Variants in CUX1 observed in about 807,000 individuals in gnomAD.
CUX1 encodes cut like homeobox 1, also known as protein CASP.
In CUX1, 31 loss-of-function variants were observed where a neutral mutation model predicts 158.8. That is an observed-to-expected ratio of 0.20 (90% CI 0.15 to 0.26). The LOEUF (loss-of-function observed/expected upper bound fraction) is 0.26, where lower values mean the gene tolerates loss of function less well. Among genes scored for constraint, CUX1 ranks in the 10% least tolerant of loss-of-function variants. CUX1 has a pLI of 1.00. For synonymous variants in CUX1, 879 were observed against 862.1 expected (o/e 1.02, Z -0.34); for missense variants, 1,589 against 2,014.6 (o/e 0.79, Z 4.04).
chr7:101,919,270 A>G (rs977589587), intron 2 of CUX1, among the ~76,000 whole-genome samples: 7 of 152,084 alleles, frequency 4.6e-5, no homozygotes, highest in Non-Finnish European at 1.0e-4. Context: ...GCCTCAGCTC[A>G]GTGCCTGGCC....
intron 2 of CUX1, among the ~76,000 whole-genome samples, chr7:101,946,509 A>C (rs2129147131): frequency 7.1e-6 from 1 of 140,948 alleles, no homozygotes; most frequent in East Asian, 2.1e-4. Flanking sequence ...GTGCCACTGC[A>C]CTCAAGTCTG....
chr7:102,117,587 G>A (rs1391257912), intron 8 of CUX1, among the ~76,000 whole-genome samples: 1 of 152,032 alleles, frequency 6.6e-6, no homozygotes, highest in South Asian at 2.1e-4. Context: ...AGGGACCCAG[G>A]GCAGCGCCAG....
At chr7:101,921,173 C>T (rs1804870614) in intron 2 of CUX1, among the ~76,000 whole-genome samples, 1 of 152,162 alleles carries the variant, frequency 6.6e-6, no homozygotes, top group South Asian at 2.1e-4. Flanking sequence ...AGCTGTGCGT[C>T]TTGGGGCAGA....
intron 2 of CUX1, among the ~76,000 whole-genome samples, chr7:101,970,108 G>A (rs954091551): frequency 1.3e-5 from 2 of 151,792 alleles, no homozygotes; most frequent in African/African-American, 4.8e-5. Context: ...GTGATAAGAT[G>A]CTCTCTGTGG....
rs879960291 is a variant in CUX1, at chr7:102,124,782, AT to A, written c.674+9525del. Among the ~76,000 whole-genome samples, 836 of 143,192 alleles carry A rather than the reference AT, an allele frequency of 5.8e-3. 2 individuals carry two copies. The highest frequency in any genetic ancestry group is 0.011 in the African/African-American group (415 of 39,326). The allele number at this position is 143,192 out of a possible 152,430, so 93.9% of individuals were successfully genotyped here. A position where few individuals can be genotyped will look rare whatever the true frequency, so the allele number is the denominator to read the frequency against. ...TATATTGTAAAATTGGTTAGTAGAA[AT>A]TTTTTTTTTTTTTTTGAGACAGAGT... is the stretch of plus-strand genomic sequence containing the variant. On this transcript the variant is annotated intron_variant, in intron 8 of 23. Coordinates refer to ENST00000292535, the MANE Select transcript of CUX1 (RefSeq NM_181552.4).
At chr7:101,979,824 A>G (rs1441671816) in intron 2 of CUX1, among the ~76,000 whole-genome samples, 3 of 152,118 alleles carry the variant, frequency 2.0e-5, no homozygotes, top group African/African-American at 4.8e-5. Context: ...TAATTTTTGT[A>G]TTTTTAATAG....
chr7:101,897,017 C>T (rs559908629), intron 1 of CUX1, among the ~76,000 whole-genome samples: 1 of 152,360 alleles, frequency 6.6e-6, no homozygotes, highest in African/African-American at 2.4e-5. Flanking sequence ...AGAAAAGTCA[C>T]GCACACACAA....
chr7:102,273,904 T>G (rs979587062), intron 15 of CUX1, among the ~76,000 whole-genome samples: 3 of 152,224 alleles, frequency 2.0e-5, no homozygotes, highest in African/African-American at 7.2e-5. Flanking sequence ...ACAGTGGGAC[T>G]CCGGGAGAGA....
intron 20 of CUX1, among the ~76,000 whole-genome samples, chr7:102,212,746 G>A (rs552177682): frequency 6.8e-6 from 1 of 146,998 alleles, no homozygotes; most frequent in African/African-American, 2.5e-5. Flanking sequence ...CCACGCAGAT[G>A]GGGGGCGTGC....
chr7:101,971,268 G>A (rs1212094558), intron 2 of CUX1, among the ~76,000 whole-genome samples: 1 of 152,178 alleles, frequency 6.6e-6, no homozygotes, highest in Admixed American at 6.5e-5. Context: ...TTCCAAGAAT[G>A]ATTTCCAATG....
chr7:102,103,517 A>G (rs1051494560), intron 5 of CUX1, among the ~76,000 whole-genome samples: 1 of 151,690 alleles, frequency 6.6e-6, no homozygotes, highest in Non-Finnish European at 1.5e-5. Flanking sequence ...TGCAGCTTCA[A>G]ACTCCTGGGT....
At chr7:102,185,507 C>T (rs1793527122) in intron 11 of CUX1, among the ~76,000 whole-genome samples, 1 of 152,012 alleles carries the variant, frequency 6.6e-6, no homozygotes, top group Non-Finnish European at 1.5e-5. Flanking sequence ...GGAGCCTCCA[C>T]CTCCCAGACT....
In CUX1 at chr7:102,178,567, C is replaced by A; in HGVS notation, c.927C>A (p.Leu309=). 6.2e-7 allele frequency: 1 copy of A among 1,612,918 alleles called. No homozygotes were observed. The highest frequency in any genetic ancestry group is 8.5e-7 in the Non-Finnish European group (1 of 1,179,556). Residue 309 remains leucine (L), a synonymous_variant, in exon 11 of 24, where the codon CTC becomes CTA. Coordinates refer to ENST00000292535, the MANE Select transcript of CUX1 (RefSeq NM_181552.4). ...IAQLVEDVQR[L]QASLTKLREN... ...AGCTGGTGGAGGACGTGCAGAGACTCCAGGCCAGCCTCACCAAGCTGCGGG... is the reference window on the plus strand; with the variant it reads ...AGCTGGTGGAGGACGTGCAGAGACTACAGGCCAGCCTCACCAAGCTGCGGG...
chr7:102,042,285 G>A (rs1406841827), intron 3 of CUX1, among the ~76,000 whole-genome samples: 6 of 152,164 alleles, frequency 3.9e-5, no homozygotes, highest in Admixed American at 3.9e-4. Flanking sequence ...ACATTCCGGT[G>A]TAGAAGGCCT....
intron 20 of CUX1, among the ~76,000 whole-genome samples, chr7:102,216,556 GCACACACACTCCCA>G (rs1797102166): frequency 8.8e-5 from 3 of 34,116 alleles, no homozygotes; most frequent in Non-Finnish European, 1.7e-4. Flanking sequence ...ACCCACACAC[GCACACACACTCCCA>G]CACACACACT....
chr7:102,258,745 T>C (rs1444223090), downstream of CUX1, among the ~76,000 whole-genome samples: 1 of 152,232 alleles, frequency 6.6e-6, no homozygotes, highest in Non-Finnish European at 1.5e-5. Flanking sequence ...TGGCGTGGCC[T>C]CAGCCTTCTG....
chr7:102,180,016 C>CGTTGTT (rs199850961), intron 11 of CUX1, among the ~76,000 whole-genome samples: 176 of 152,102 alleles, frequency 1.2e-3, no homozygotes, highest in African/African-American at 3.8e-3. Flanking sequence ...TGTGTTTTGT[C>CGTTGTT]GTTGTTGTTG....
chr7:101,904,300 C>CA (rs1312650891), intron 1 of CUX1, among the ~76,000 whole-genome samples: 1 of 151,822 alleles, frequency 6.6e-6, no homozygotes, highest in Non-Finnish European at 1.5e-5. Context: ...ACCCTGTCTC[C>CA]AAAAAAATAA....
intron 20 of CUX1, among the ~76,000 whole-genome samples, chr7:102,216,598 CCACACA>C (rs782225410): frequency 4.5e-4 from 13 of 29,186 alleles, no homozygotes; most frequent in East Asian, 5.4e-3. Context: ...ACACACACTC[CCACACA>C]CACACACACA....
Sources: gnomAD v4.1 joint callset for allele counts (sites outside exome capture counted in the v4.1 genomes callset) on GRCh38, gnomAD v4.1.1 for gene constraint, MANE v1.5 for transcripts, NCBI Gene and HGNC (gene_info 2026-07-23, HGNC 2026-07-21) for gene names.